The following CTDSPL variants were observed in gnomAD, a reference collection of about 807,000 sequenced individuals.
CTDSPL encodes CTD small phosphatase like.
Under a neutral mutation model 30.5 loss-of-function variants are expected in CTDSPL, and 8 were observed. The ratio of observed to expected loss-of-function variants is 0.26; its 90% CI spans 0.15 to 0.47. The LOEUF (loss-of-function observed/expected upper bound fraction) is 0.47, where lower values mean the gene tolerates loss of function less well. CTDSPL is among the 20% of genes least tolerant of loss of function. The pLI, the probability that CTDSPL is intolerant of heterozygous loss-of-function variation, is 0.99. For missense variants in CTDSPL, 248 were observed against 366.1 expected, an observed-to-expected ratio of 0.68 and a Z score of 2.63; for synonymous variants, 110 against 137.9, an observed-to-expected ratio of 0.80 and a Z score of 1.42.
chr3:37,904,542 T>A (rs1202317172), intron 1 of CTDSPL, among the ~76,000 whole-genome samples: 1 of 152,182 alleles, frequency 6.6e-6, no homozygotes, highest in East Asian at 1.9e-4. Context: ...TCCTACTCCC[T>A]GGCTAGAGAA....
chr3:37,885,196 G>A (rs763354133), intron 1 of CTDSPL, among the ~76,000 whole-genome samples: 1 of 152,204 alleles, frequency 6.6e-6, no homozygotes, highest in Non-Finnish European at 1.5e-5. Flanking sequence ...TAATTAATTA[G>A]TTGGAATATG....
Position 37,964,684 on chromosome 3 carries a change from T to TA in CTDSPL, c.369+22dup, listed in dbSNP as rs372561370. 3.9e-3 allele frequency: 5,692 copies of TA among 1,445,732 alleles called. No individual in the cohort carries two copies. The highest frequency in any genetic ancestry group is 4.4e-3 in the Non-Finnish European group (4,643 of 1,060,966). 89.6% of individuals were successfully genotyped at this position (1,445,732 alleles called of 1,614,324 possible). Reference sequence around the variant, plus strand: ...ACAGTTCGTTTAAGGTAAATCAACATAAAAAAAAAATCCATGATCTTTGTG... The same window carrying TA: ...ACAGTTCGTTTAAGGTAAATCAACATAAAAAAAAAAATCCATGATCTTTGTG... On this transcript the variant is annotated intron_variant, in intron 4 of 7. Coordinates refer to ENST00000273179, the MANE Select transcript of CTDSPL (RefSeq NM_001008392.2).
chr3:37,922,124 A>C (rs2125610843), intron 1 of CTDSPL, among the ~76,000 whole-genome samples: 1 of 152,002 alleles, frequency 6.6e-6, no homozygotes, highest in South Asian at 2.1e-4. Context: ...AATCCCAGCT[A>C]CTCAGGAGGC....
At chr3:37,979,585 C>G (rs535286191) in intron 7 of CTDSPL, among the ~76,000 whole-genome samples, 10 of 152,198 alleles carry the variant, frequency 6.6e-5, no homozygotes, top group African/African-American at 2.4e-4. Flanking sequence ...AAGAGCAAAA[C>G]TCCATCTCAA....
rs575599054 is a variant in CTDSPL, at chr3:37,875,443, A to G, written c.79+13165A>G. Among the ~76,000 whole-genome samples, 5 of 152,240 alleles carry G rather than the reference A, an allele frequency of 3.3e-5. No homozygotes were observed. In the South Asian group the frequency reaches 1.0e-3, roughly 32 times the overall value. ...TTGAAGAGAAGCAGCTTAATATTTG[A>G]TGACTGATGCTGTTCTTACCTTTCA... is the stretch of plus-strand genomic sequence containing the variant. On this transcript the variant is annotated intron_variant, in intron 1 of 7. Transcript: ENST00000273179.
chr3:37,930,869 T>G (rs1349591686), intron 1 of CTDSPL, among the ~76,000 whole-genome samples: 2 of 152,212 alleles, frequency 1.3e-5, no homozygotes, highest in Admixed American at 1.3e-4. Context: ...TGTATTTGGG[T>G]GCTCTGATGT....
chr3:37,936,394 G>A (rs746638442), intron 1 of CTDSPL, among the ~76,000 whole-genome samples: 11 of 151,974 alleles, frequency 7.2e-5, no homozygotes, highest in Non-Finnish European at 1.5e-4. Flanking sequence ...AACTCTGTGC[G>A]GTTTGTGCCC....
intron 3 of CTDSPL, among the ~76,000 whole-genome samples, chr3:37,963,555 T>C (rs1341084985): frequency 6.6e-6 from 1 of 152,216 alleles, no homozygotes; most frequent in Non-Finnish European, 1.5e-5. Context: ...AGTTTGACCT[T>C]CTTTGCAGGT....
At chr3:37,900,473 GAAGA>G in intron 1 of CTDSPL, among the ~76,000 whole-genome samples, 1 of 152,136 alleles carries the variant, frequency 6.6e-6, no homozygotes, top group South Asian at 2.1e-4. Flanking sequence ...ACAAAGATTT[GAAGA>G]AAGAAAGGGA....
chr3:37,903,062 G>T (rs1698470867), intron 1 of CTDSPL, among the ~76,000 whole-genome samples: 2 of 152,184 alleles, frequency 1.3e-5, no homozygotes, highest in Non-Finnish European at 2.9e-5. Flanking sequence ...TTGAGATGGT[G>T]GTGGGCTTCT....
At chr3:37,876,407 G>A (rs577721858) in intron 1 of CTDSPL, among the ~76,000 whole-genome samples, 3 of 152,212 alleles carry the variant, frequency 2.0e-5, no homozygotes, top group Non-Finnish European at 2.9e-5. Flanking sequence ...TATTATCTGT[G>A]GTGGTACCAT....
intron 1 of CTDSPL, among the ~76,000 whole-genome samples, chr3:37,892,290 C>T (rs1273886020): frequency 6.6e-6 from 1 of 152,134 alleles, no homozygotes; most frequent in African/African-American, 2.4e-5. Context: ...AAATTGTTCT[C>T]ACAGTGTTCC....
At chr3:37,938,862 T>C (rs1208977484) in intron 1 of CTDSPL, among the ~76,000 whole-genome samples, 1 of 149,574 alleles carries the variant, frequency 6.7e-6, no homozygotes, top group African/African-American at 2.4e-5. Flanking sequence ...TACAACACTT[T>C]CTTTCTAACC....
rs1300689422 is a variant in CTDSPL at position 37,942,515 on chromosome 3, T to C, written c.80-4542T>C. ...AAAATTGGCTGGGCGTGGTGGCACATGCCTATAGTCCCAGCTACTTGGGAG... is the reference window on the plus strand; with the variant it reads ...AAAATTGGCTGGGCGTGGTGGCACACGCCTATAGTCCCAGCTACTTGGGAG... On this transcript the variant is annotated intron_variant, in intron 1 of 7. Transcript: ENST00000273179. Among the ~76,000 whole-genome samples, 2 of 150,048 alleles carry C rather than the reference T, an allele frequency of 1.3e-5. 1 individual carries two copies. Among genetic ancestry groups the C allele is most frequent in the Non-Finnish European group, 3.0e-5 (2 of 66,966 alleles).
chr3:37,909,673 G>A (rs1698558338), intron 1 of CTDSPL, among the ~76,000 whole-genome samples: 1 of 152,186 alleles, frequency 6.6e-6, no homozygotes, highest in East Asian at 1.9e-4. Context: ...GGGTAACCTC[G>A]GTTTTCTAAT....
At chr3:37,906,140 C>T (rs563358067) in intron 1 of CTDSPL, among the ~76,000 whole-genome samples, 1 of 152,304 alleles carries the variant, frequency 6.6e-6, no homozygotes, top group South Asian at 2.1e-4. Flanking sequence ...CCAGTGGGGA[C>T]TCTATGAATG....
At chr3:37,898,672 G>T (rs1698414853) in intron 1 of CTDSPL, among the ~76,000 whole-genome samples, 1 of 152,136 alleles carries the variant, frequency 6.6e-6, no homozygotes, top group Admixed American at 6.5e-5. Context: ...ACCTGCTAAT[G>T]TGCCAAGTAA....
chr3:37,966,677 A>T (rs1393465018), intron 4 of CTDSPL, among the ~76,000 whole-genome samples: 1 of 152,164 alleles, frequency 6.6e-6, no homozygotes, highest in African/African-American at 2.4e-5. Flanking sequence ...GTGCTTAGTA[A>T]CGGTGCTATG....
chr3:37,873,485 T>C (rs1333103691), intron 1 of CTDSPL, among the ~76,000 whole-genome samples: 1 of 152,174 alleles, frequency 6.6e-6, no homozygotes, highest in Non-Finnish European at 1.5e-5. Flanking sequence ...TATTGTTCTT[T>C]AGGATTCAAG....
Sources: allele counts gnomAD v4.1 joint callset (sites outside exome capture counted in the v4.1 genomes callset), GRCh38; gene constraint gnomAD v4.1.1; transcripts MANE v1.5; gene names NCBI Gene and HGNC (gene_info 2026-07-23, HGNC 2026-07-21).